The following LIPA variants were observed in gnomAD, a reference collection of about 807,000 sequenced individuals.
LIPA encodes the protein lysosomal acid lipase/cholesteryl ester hydrolase.
A neutral mutation model predicts 40.6 loss-of-function variants in LIPA; 26 were observed. That is an observed-to-expected ratio of 0.64 (90% confidence interval 0.47 to 0.89). The LOEUF is 0.89. Ranked by LOEUF, LIPA falls within the 40% of genes least tolerant of loss-of-function variation. The pLI is 0.00. For synonymous variants in LIPA, 188 were observed against 168.4 expected (o/e 1.12, Z -0.90); for missense variants, 455 against 479.6 (o/e 0.95, Z 0.48).
intron 3 of LIPA, among the ~76,000 whole-genome samples, chr10:89,233,912 A>T (rs886134746): frequency 1.3e-5 from 2 of 152,180 alleles, no homozygotes; most frequent in African/African-American, 4.8e-5. Context: ...AACCACAATT[A>T]CTTTTGCCCC....
intron 3 of LIPA, among the ~76,000 whole-genome samples, chr10:89,240,755 C>T (rs1437964756): frequency 6.6e-6 from 1 of 152,134 alleles, no homozygotes; most frequent in Admixed American, 6.5e-5. Flanking sequence ...CCACAGGAAG[C>T]ATTTAAGTTG....
chr10:89,338,546 G>A, intron 1 of LIPA: 1 of 969,188 alleles, frequency 1.0e-6, no homozygotes, highest in East Asian at 2.4e-5. Context: ...AAATAATGTT[G>A]GACCAAATAT....
At chr10:89,240,036 C>A (rs1283347598) in intron 3 of LIPA, among the ~76,000 whole-genome samples, 1 of 152,180 alleles carries the variant, frequency 6.6e-6, no homozygotes, top group Non-Finnish European at 1.5e-5. Flanking sequence ...CAGCTCTCAT[C>A]CAAAATTCTC....
At chr10:89,351,478 A>G (rs1194435679) in intron 2 of LIPA, among the ~76,000 whole-genome samples, 2 of 152,228 alleles carry the variant, frequency 1.3e-5, no homozygotes, top group Non-Finnish European at 2.9e-5. Flanking sequence ...GGCTCCACAG[A>G]GCAGTGATTT....
Position 89,327,442 on chromosome 10 carries a change from T to G in LIPA, c.-2+15169A>C, listed in dbSNP as rs371719209. ...GGTGGGTGCCTGTAATCCCAGCTACTCGGGAGGCTGAGGCAAGAGAATCAC... is the reference window on the plus strand; with the variant it reads ...GGTGGGTGCCTGTAATCCCAGCTACGCGGGAGGCTGAGGCAAGAGAATCAC... On this transcript the variant is annotated intron_variant, in intron 1 of 5. Coordinates refer to the LIPA transcript ENST00000282673. Among the ~76,000 whole-genome samples the G allele has an allele frequency of 1.1e-3, 174 of 151,984 alleles. 1 individual carries two copies. The highest frequency in any genetic ancestry group is 4.1e-3 in the African/African-American group (170 of 41,430).
Position 89,223,737 on chromosome 10 carries a change from A to C in LIPA, c.769T>G (p.Cys257Gly), listed in dbSNP as rs769544144. The change falls in exon 7 of 10, where the codon TGT becomes GGT. Residue 257 changes from cysteine (C) to glycine (G), a missense_variant. Coordinates refer to ENST00000336233, the MANE Select transcript of LIPA (RefSeq NM_000235.4). ...VCTHVILKEL[C>G]GNLCFLLCGF... ...CACAGAAGAAAACAGAGATTTCCAC[A>C]GAGCTCCTTCAGTATGACATGAGTG... 1.2e-6 allele frequency: 2 copies of C among 1,612,364 alleles called. No homozygotes were observed. The highest frequency in any genetic ancestry group is 1.7e-6 in the Non-Finnish European group (2 of 1,178,380).
intron 2 of LIPA, chr10:89,392,767 A>C: frequency 6.3e-7 from 1 of 1,592,492 alleles, no homozygotes; most frequent in Non-Finnish European, 8.6e-7. Context: ...TTTTGAAAAA[A>C]TGGTAATTAA....
intron 1 of LIPA, chr10:89,339,903 T>G: frequency 6.2e-7 from 1 of 1,614,092 alleles, no homozygotes; most frequent in Non-Finnish European, 8.5e-7. Context: ...ATGCACCAAA[T>G]TATTGGTATC....
intron 3 of LIPA, among the ~76,000 whole-genome samples, chr10:89,242,712 G>A (rs1012553525): frequency 7.9e-5 from 12 of 152,204 alleles, no homozygotes; most frequent in African/African-American, 2.9e-4. Flanking sequence ...GTAATTACTT[G>A]TAAATAGTAT....
At chr10:89,338,531 C>A in intron 1 of LIPA, 1 of 846,308 alleles carries the variant, frequency 1.2e-6, no homozygotes, top group Non-Finnish European at 1.8e-6. Flanking sequence ...CACATACATA[C>A]CCAGAAATAA....
chr10:89,324,142 T>C (rs1295869831), intron 1 of LIPA, among the ~76,000 whole-genome samples: 1 of 151,894 alleles, frequency 6.6e-6, no homozygotes, highest in Non-Finnish European at 1.5e-5. Context: ...TACAAGGCTA[T>C]AGTAACCAAA....
chr10:89,370,020 C>G (rs1255245644), intron 2 of LIPA, among the ~76,000 whole-genome samples: 3 of 152,366 alleles, frequency 2.0e-5, no homozygotes, highest in Admixed American at 6.5e-5. Context: ...GTGGGGGAAC[C>G]CCCAGCATCT....
intron 3 of LIPA, among the ~76,000 whole-genome samples, chr10:89,231,984 G>T (rs182880251): frequency 3.0e-4 from 45 of 152,296 alleles, no homozygotes; most frequent in East Asian, 2.7e-3. Flanking sequence ...TAGATACAGC[G>T]TCTTATGCAC....
At chr10:89,267,778 C>T (rs1843245755) in intron 1 of LIPA, among the ~76,000 whole-genome samples, 1 of 148,848 alleles carries the variant, frequency 6.7e-6, no homozygotes, top group African/African-American at 2.5e-5. Flanking sequence ...GAAATAATTA[C>T]TCTACCATCA....
intron 2 of LIPA, among the ~76,000 whole-genome samples, chr10:89,375,151 C>G (rs1410719232): frequency 6.6e-6 from 1 of 152,210 alleles, no homozygotes; most frequent in African/African-American, 2.4e-5. Context: ...CATGCAATAT[C>G]CCACTTCATC....
chr10:89,301,878 G>A (rs533985337), intron 1 of LIPA: 7 of 398,814 alleles, frequency 1.8e-5, no homozygotes, highest in Admixed American at 1.2e-4. Flanking sequence ...ACTCAGCTCC[G>A]GAGGAAAAAG....
chr10:89,379,296 G>A (rs535038349), intron 2 of LIPA, among the ~76,000 whole-genome samples: 19 of 152,274 alleles, frequency 1.2e-4, no homozygotes, highest in Non-Finnish European at 2.5e-4. Flanking sequence ...AAATTCTCAG[G>A]CCCTACCCTA....
At chr10:89,260,485 T>C (rs1048704986) in intron 1 of LIPA, among the ~76,000 whole-genome samples, 7 of 152,122 alleles carry the variant, frequency 4.6e-5, no homozygotes, top group Admixed American at 1.3e-4. Flanking sequence ...GTGGAGAAGA[T>C]TGGCTAAGCT....
intron 1 of LIPA, chr10:89,332,721 T>C: frequency 9.0e-6 from 11 of 1,228,452 alleles, no homozygotes; most frequent in South Asian, 2.4e-5. Flanking sequence ...AGATGAAATA[T>C]GCATTTATCT....
Sources: gnomAD v4.1 joint callset for allele counts (sites outside exome capture counted in the v4.1 genomes callset) on GRCh38, gnomAD v4.1.1 for gene constraint, MANE v1.5 for transcripts, NCBI Gene and HGNC (gene_info 2026-07-23, HGNC 2026-07-21) for gene names.